The following DYDC2 variants were observed in gnomAD, a reference collection of about 807,000 sequenced individuals.
DYDC2 encodes the protein DPY30 domain-containing protein 2.
In DYDC2, 19 loss-of-function variants were observed where a neutral mutation model predicts 18.7. The observed-to-expected ratio is 1.02, with a 90% CI of 0.71 to 1.49. The LOEUF (loss-of-function observed/expected upper bound fraction) is 1.49. DYDC2 is among the 40% of genes most tolerant of loss of function. The pLI, the probability that DYDC2 is intolerant of heterozygous loss-of-function variation, is 0.00. For synonymous variants in DYDC2, 63 were observed against 67.6 expected (o/e 0.93, Z 0.34); for missense variants, 179 against 205.1 (o/e 0.87, Z 0.78).
At chr10:80,358,757 T>C (rs1843556140) in intron 2 of DYDC2, among the ~76,000 whole-genome samples, 1 of 152,208 alleles carries the variant, frequency 6.6e-6, no homozygotes, top group South Asian at 2.1e-4. Flanking sequence ...TCCCAATGTG[T>C]CCAGAATTGG....
At chr10:80,363,698 A>G (rs1461163626) in intron 4 of DYDC2, among the ~76,000 whole-genome samples, 1 of 152,170 alleles carries the variant, frequency 6.6e-6, no homozygotes, top group African/African-American at 2.4e-5. Context: ...ATATTTTTTC[A>G]TATAAGATCC....
chr10:80,350,154 C>T (rs1842900970), intron 1 of DYDC2, among the ~76,000 whole-genome samples: 1 of 152,142 alleles, frequency 6.6e-6, no homozygotes, highest in African/African-American at 2.4e-5. Flanking sequence ...ATAACATCTC[C>T]TGTATAATAT....
At chr10:80,363,690 AT>A (rs1843738121) in intron 4 of DYDC2, among the ~76,000 whole-genome samples, 1 of 151,998 alleles carries the variant, frequency 6.6e-6, no homozygotes, top group Admixed American at 6.6e-5. Flanking sequence ...TGGAACAAAT[AT>A]TTTTTCATAT....
chr10:80,362,850 G>T lies in DYDC2; in HGVS notation c.148-101G>T. The stretch of plus-strand genomic sequence containing the variant: ...CTAGTTACAAGAGGAAACTCAACAG[G>T]CCCAAAGAGCCCACAGCCCATATCA... On this transcript the variant is annotated intron_variant, in intron 3 of 4. Transcript: ENST00000256039. 4 of 1,459,206 alleles carry T rather than the reference G, an allele frequency of 2.7e-6. No homozygotes were observed. In the Admixed American group the frequency reaches 9.2e-5, roughly 33 times the overall value. 90.4% of individuals were successfully genotyped at this position (1,459,206 alleles called of 1,614,324 possible).
chr10:80,345,409 C>T (rs1842551972), intron 1 of DYDC2, among the ~76,000 whole-genome samples: 1 of 152,116 alleles, frequency 6.6e-6, no homozygotes, highest in South Asian at 2.1e-4. Flanking sequence ...TCATCTTAGA[C>T]AGTTACTTTT....
upstream of DYDC2, among the ~76,000 whole-genome samples, chr10:80,354,128 A>AT (rs1564668107): frequency 5.9e-4 from 87 of 146,580 alleles, no homozygotes; most frequent in South Asian, 2.2e-3. Context: ...ATATAAAAAA[A>AT]AATATATATA....
rs892413582 is a variant in DYDC2 at position 80,358,004 on chromosome 10, G to A, written c.-51G>A. 3 of 985,432 alleles carry A rather than the reference G, an allele frequency of 3.0e-6. No individual in the cohort carries two copies. In the East Asian group the frequency reaches 3.4e-4, roughly 112 times the overall value. 61.0% of individuals were successfully genotyped at this position (985,432 alleles called of 1,614,324 possible). ...GGAACTGTGTAAGCAGACCCTCAGAGGAGCTCTGGGAAACACTGAAAAATA... is the reference window on the plus strand; with the variant it reads ...GGAACTGTGTAAGCAGACCCTCAGAAGAGCTCTGGGAAACACTGAAAAATA... On this transcript the variant is annotated 5_prime_UTR_variant, in exon 2 of 5. Coordinates refer to ENST00000256039, the MANE Select transcript of DYDC2 (RefSeq NM_032372.6).
At chr10:80,353,991 C>T (rs1339754500), upstream of DYDC2, among the ~76,000 whole-genome samples, 3 of 151,992 alleles carry the variant, frequency 2.0e-5, no homozygotes, top group Non-Finnish European at 4.4e-5. Flanking sequence ...TGGCGGGCGC[C>T]TGTAGTCCCA....
intron 2 of DYDC2, among the ~76,000 whole-genome samples, chr10:80,361,176 TC>T (rs761930583): frequency 6.6e-6 from 1 of 151,958 alleles, no homozygotes; most frequent in African/African-American, 2.4e-5. Context: ...CTTTTTTTTT[TC>T]ATACCCTCAA....
At chr10:80,356,514 A>G (rs992848097), upstream of DYDC2, 5 of 985,342 alleles carry the variant, frequency 5.1e-6, no homozygotes, top group Non-Finnish European at 6.0e-6. Flanking sequence ...CAGGAGACGC[A>G]GCGCTCCCCG....
upstream of DYDC2, chr10:80,352,615 AAAGT>A (rs1211582255): frequency 2.5e-6 from 4 of 1,594,672 alleles, no homozygotes; most frequent in South Asian, 2.3e-5. Flanking sequence ...TAACTCCTAA[AAAGT>A]AAGTGTTTTT....
intron 1 of DYDC2, among the ~76,000 whole-genome samples, chr10:80,348,096 T>C (rs1842777032): frequency 6.6e-6 from 1 of 152,212 alleles, no homozygotes; most frequent in Admixed American, 6.5e-5. Flanking sequence ...ACACAAGATA[T>C]CTTTCCATTT....
upstream of DYDC2, chr10:80,352,415 T>A (rs554362944): frequency 6.6e-7 from 1 of 1,523,290 alleles, no homozygotes; most frequent in South Asian, 1.3e-5. Context: ...TTGGACCAGT[T>A]TTTTTTCTTC....
In DYDC2 at chr10:80,366,750, C is replaced by G. The variant is rs201004714; in HGVS notation, c.333C>G (p.Pro111=). The G allele has an allele frequency of 2.5e-6, 4 of 1,614,114 alleles. No individual in the cohort carries two copies. The African/African-American group carries it at 4.0e-5, about 16-fold the overall frequency. Residue 111 remains proline, a synonymous_variant, in exon 5 of 5, where the codon CCC becomes CCG. Coordinates refer to ENST00000256039, the MANE Select transcript of DYDC2 (RefSeq NM_032372.6). ...KTIFMQEDTN[P]LEKEALKQEF... ...TATTCATGCAGGAGGACACAAACCCCCTTGAGAAGGAGGCCTTGAAGCAGG... is the reference window on the plus strand; with the variant it reads ...TATTCATGCAGGAGGACACAAACCCGCTTGAGAAGGAGGCCTTGAAGCAGG...
upstream of DYDC2, chr10:80,354,506 A>AT (rs71482775): frequency 2.1e-4 from 31 of 151,006 alleles, no homozygotes; most frequent in Non-Finnish European, 4.3e-4. Flanking sequence ...AAAAAAAAAA[A>AT]GAATACCTAT....
At chr10:80,352,353 T>C (rs1207312163), upstream of DYDC2, 5 of 1,353,478 alleles carry the variant, frequency 3.7e-6, no homozygotes, top group Non-Finnish European at 3.8e-6. Flanking sequence ...TAATAAACAT[T>C]ATTTTTATAA....
intron 1 of DYDC2, among the ~76,000 whole-genome samples, chr10:80,347,957 A>C (rs1461583029): frequency 2.0e-5 from 3 of 152,148 alleles, no homozygotes; most frequent in Admixed American, 6.5e-5. Flanking sequence ...CTTCCATACA[A>C]ATTTTAGAAT....
chr10:80,348,086 A>C (rs981919932), intron 1 of DYDC2, among the ~76,000 whole-genome samples: 18 of 152,178 alleles, frequency 1.2e-4, no homozygotes, highest in African/African-American at 4.3e-4. Flanking sequence ...TGATATATGA[A>C]CACAAGATAT....
intron 2 of DYDC2, among the ~76,000 whole-genome samples, chr10:80,358,812 T>C (rs1161100068): frequency 2.6e-5 from 4 of 152,184 alleles, no homozygotes; most frequent in African/African-American, 4.8e-5. Context: ...CCGTGGACCC[T>C]CACAGTGAGT....
Sources: allele counts gnomAD v4.1 joint callset (sites outside exome capture counted in the v4.1 genomes callset), GRCh38; gene constraint gnomAD v4.1.1; transcripts MANE v1.5; gene names NCBI Gene and HGNC (gene_info 2026-07-23, HGNC 2026-07-21).